SARNP: variants seen among roughly 807,000 people sequenced by gnomAD.
SARNP encodes SAP domain-containing ribonucleoprotein.
In SARNP, 5 loss-of-function variants were observed where a neutral mutation model predicts 38.1. That is an observed-to-expected ratio of 0.13 (90% CI 0.07 to 0.28). The LOEUF (loss-of-function observed/expected upper bound fraction) is 0.28, where lower values mean the gene tolerates loss of function less well. SARNP is among the 10% of genes least tolerant of loss of function. The probability of loss-of-function intolerance (pLI) is 1.00; values close to 1 mark genes in which losing one functional copy is unlikely to be tolerated. For missense variants in SARNP, 180 were observed against 243.9 expected (o/e 0.74, Z 1.75); for synonymous variants, 84 against 80.6 (o/e 1.04, Z -0.23).
intron 9 of SARNP, among the ~76,000 whole-genome samples, chr12:55,779,430 C>T (rs935286017): frequency 2.0e-5 from 3 of 152,340 alleles, no homozygotes; most frequent in South Asian, 2.1e-4. Context: ...CTAGGCACTG[C>T]TGCTTGAGTA....
At chr12:55,806,943 A>G (rs1880163387) in intron 1 of SARNP, among the ~76,000 whole-genome samples, 1 of 152,228 alleles carries the variant, frequency 6.6e-6, no homozygotes, top group Admixed American at 6.5e-5. Context: ...AGAGTTTCAC[A>G]AATCAATGCA....
intron 4 of SARNP, 148 bp from the exon 5 acceptor site, chr12:55,796,224 A>G (rs530114791): frequency 3.3e-6 from 2 of 603,002 alleles, no homozygotes; most frequent in Non-Finnish European, 5.9e-6. Flanking sequence ...AGTCCACTAG[A>G]GCTTTGGTTC....
At chr12:55,806,674 G>A (rs1880154300) in intron 1 of SARNP, among the ~76,000 whole-genome samples, 1 of 152,116 alleles carries the variant, frequency 6.6e-6, no homozygotes, top group Non-Finnish European at 1.5e-5. Flanking sequence ...CGATTAGCTG[G>A]GACTACAGGC....
intron 9 of SARNP, among the ~76,000 whole-genome samples, chr12:55,771,732 T>A (rs1451163541): frequency 6.6e-6 from 1 of 152,044 alleles, no homozygotes. Flanking sequence ...CATACTAAGA[T>A]GTTAATAGTT....
Position 55,812,830 on chromosome 12 carries a change from A to G in SARNP, c.36+4836T>C, listed in dbSNP as rs150691557. On this transcript the variant is annotated intron_variant, in intron 1 of 10. Coordinates refer to ENST00000336133, the MANE Select transcript of SARNP (RefSeq NM_033082.4). ...CAAATCGTTATTGAGCACCTACTGT[A>G]TTATCAAGTATTATCTTGGATACAG... Among the ~76,000 whole-genome samples, 37 of 152,392 alleles carry G rather than the reference A, an allele frequency of 2.4e-4. No individual in the cohort carries two copies. In the East Asian group the frequency reaches 6.9e-3, roughly 29 times the overall value.
chr12:55,806,093 T>A (rs1592581182), intron 1 of SARNP, among the ~76,000 whole-genome samples: 1 of 151,514 alleles, frequency 6.6e-6, no homozygotes, highest in Admixed American at 6.6e-5. Flanking sequence ...AAAAAATGAC[T>A]GCAGAGTGAC....
chr12:55,808,833 AC>A (rs149916699), intron 1 of SARNP, among the ~76,000 whole-genome samples: 12,292 of 152,222 alleles, frequency 0.081, 680 homozygotes, highest in African/African-American at 0.15. Context: ...TTCTTTTTGC[AC>A]GTATTTCAGC....
intron 9 of SARNP, among the ~76,000 whole-genome samples, chr12:55,785,009 T>G (rs1384235719): frequency 1.3e-5 from 2 of 152,244 alleles, no homozygotes; most frequent in Admixed American, 1.3e-4. Flanking sequence ...GTCTCCAAAC[T>G]GTTTCTTACC....
At chr12:55,801,050 G>A in intron 2 of SARNP, 150 bp from the exon 3 acceptor site, 1 of 668,198 alleles carries the variant, frequency 1.5e-6, no homozygotes, top group Non-Finnish European at 2.7e-6. Context: ...TACATCTGGA[G>A]AAGATAAAAC....
chr12:55,781,543 A>C lies in SARNP; in HGVS notation c.501+7532T>G, dbSNP rs544480813. Among the ~76,000 whole-genome samples the C allele has an allele frequency of 2.6e-3, 400 of 151,962 alleles. 9 individuals are homozygous for C. The highest frequency in any genetic ancestry group is 8.6e-3 in the Admixed American group (131 of 15,250). ...AGCGAAACTCCGTCTCAAAAAAAAA[A>C]AAAAACAAAAACAAAAACAAACAGA... On this transcript the variant is annotated intron_variant, in intron 9 of 10. Transcript: ENST00000336133.
intron 1 of SARNP, among the ~76,000 whole-genome samples, chr12:55,812,309 TCTC>T (rs1880351217): frequency 1.3e-5 from 2 of 152,212 alleles, no homozygotes; most frequent in South Asian, 2.1e-4. Context: ...CCTATTCCTT[TCTC>T]CTATTTTTCT....
intron 1 of SARNP, among the ~76,000 whole-genome samples, chr12:55,804,660 A>G (rs1367471051): frequency 1.3e-5 from 2 of 152,174 alleles, no homozygotes; most frequent in African/African-American, 2.4e-5. Context: ...TATAGACTCC[A>G]TAATAAACGA....
chr12:55,758,502 G>A (rs1054365682), intron 10 of SARNP, among the ~76,000 whole-genome samples: 22 of 151,958 alleles, frequency 1.4e-4, no homozygotes, highest in African/African-American at 4.6e-4. Flanking sequence ...AAAATTAGCC[G>A]GGTGTGGTGG....
In SARNP at chr12:55,784,371, C is replaced by A. The variant is rs772259; in HGVS notation, c.501+4704G>T. 6.8e-3 allele frequency among the ~76,000 whole-genome samples: 1,031 copies of A among 152,222 alleles called. 16 individuals carry two copies. The highest frequency in any genetic ancestry group is 0.024 in the African/African-American group (981 of 41,538). On this transcript the variant is annotated intron_variant, in intron 9 of 10. Coordinates refer to ENST00000336133, the MANE Select transcript of SARNP (RefSeq NM_033082.4). ...ACCTCTGCCAACCAACCAAACGCTA[C>A]GTAGCAACTCATTCTAGTGATAAAT...
chr12:55,812,287 C>T (rs956725289), intron 1 of SARNP, among the ~76,000 whole-genome samples: 2 of 152,220 alleles, frequency 1.3e-5, no homozygotes, highest in Non-Finnish European at 2.9e-5. Flanking sequence ...CAATACCCTT[C>T]CCATTGTACT....
In SARNP at chr12:55,760,657, G is replaced by C; in HGVS notation, c.502-17C>G. The C allele has an allele frequency of 1.3e-6, 2 of 1,546,682 alleles. No homozygotes were observed. Among genetic ancestry groups the C allele is most frequent in the Non-Finnish European group, 1.8e-6 (2 of 1,120,596 alleles). ...ATCTTCAGACTGTTCAAGGACAAAG[G>C]AAAGAGTTGAAACAAACTAGCCTCC... On this transcript the variant is annotated splice_polypyrimidine_tract_variant and intron_variant, in intron 9 of 10. Transcript: ENST00000336133.
chr12:55,757,379 G>A lies in SARNP; in HGVS notation c.*133C>T. 1.8e-6 allele frequency: 1 copy of A among 547,280 alleles called. No homozygotes were observed. Among genetic ancestry groups the A allele is most frequent in the Non-Finnish European group, 3.1e-6 (1 of 326,408 alleles). The allele number at this position is 547,280 out of a possible 1,614,324, so 33.9% of individuals were successfully genotyped here. A position where few individuals can be genotyped will look rare whatever the true frequency, so the allele number is the denominator to read the frequency against. On this transcript the variant is annotated 3_prime_UTR_variant, in exon 11 of 11. Transcript: ENST00000336133. ...CAAACTGCTGCCGCAGTTCATGGAT[G>A]TACCTGGGGTACATGCTCCCTCATT...
intron 9 of SARNP, among the ~76,000 whole-genome samples, chr12:55,786,068 C>A (rs1277001679): frequency 1.3e-5 from 2 of 152,080 alleles, no homozygotes; most frequent in East Asian, 3.9e-4. Context: ...TTTTACTCAG[C>A]CTTCTGTGGA....
chr12:55,774,558 T>TAAAAAA (rs1565673497), intron 9 of SARNP, among the ~76,000 whole-genome samples: 621 of 40,470 alleles, frequency 0.015, 49 homozygotes, highest in Non-Finnish European at 0.019. Flanking sequence ...CCGTCTCTAC[T>TAAAAAA]GAAAAAAAAA....
Sources: gnomAD v4.1 joint callset for allele counts (sites outside exome capture counted in the v4.1 genomes callset) on GRCh38, gnomAD v4.1.1 for gene constraint, MANE v1.5 for transcripts, NCBI Gene and HGNC (gene_info 2026-07-23, HGNC 2026-07-21) for gene names.